Variants in GALNTL6 observed in about 807,000 individuals in gnomAD.
The protein encoded by GALNTL6 is polypeptide N-acetylgalactosaminyltransferase like 6, also known as polypeptide N-acetylgalactosaminyltransferase-like 6.
GALNTL6 carries 46 observed loss-of-function variants against 73.7 expected under a neutral mutation model. That is an observed-to-expected ratio of 0.62 (90% CI 0.49 to 0.80). The LOEUF (loss-of-function observed/expected upper bound fraction) is 0.80, where lower values mean the gene tolerates loss of function less well. Among genes scored for constraint, GALNTL6 ranks in the 30% least tolerant of loss-of-function variants. GALNTL6 has a pLI of 0.00. For missense variants in GALNTL6, 604 were observed against 755.0 expected (o/e 0.80, Z 2.34); for synonymous variants, 259 against 263.7 (o/e 0.98, Z 0.17).
At chr4:172,435,559 C>T (rs545104522) in intron 5 of GALNTL6, among the ~76,000 whole-genome samples, 1 of 152,172 alleles carries the variant, frequency 6.6e-6, no homozygotes, top group East Asian at 1.9e-4. Flanking sequence ...CATTATAGCT[C>T]CATCACATTC....
intron 5 of GALNTL6, among the ~76,000 whole-genome samples, chr4:172,770,504 A>C (rs1470929708): frequency 5.3e-5 from 8 of 152,160 alleles, no homozygotes; most frequent in Non-Finnish European, 1.5e-5. Flanking sequence ...TATTGTACTT[A>C]CTTGCGATTT....
intron 5 of GALNTL6, among the ~76,000 whole-genome samples, chr4:172,702,828 T>TC (rs1734103268): frequency 6.6e-6 from 1 of 151,920 alleles, no homozygotes; most frequent in Admixed American, 6.6e-5. Context: ...CTTTATAGTT[T>TC]TTTTTGTCAT....
At chr4:172,592,986 C>A (rs775308105) in intron 5 of GALNTL6, among the ~76,000 whole-genome samples, 2 of 151,954 alleles carry the variant, frequency 1.3e-5, no homozygotes, top group Non-Finnish European at 2.9e-5. Flanking sequence ...CACCTTGAGT[C>A]TAATTCAATT....
chr4:172,216,727 T>C (rs935174311), intron 2 of GALNTL6, among the ~76,000 whole-genome samples: 10 of 152,214 alleles, frequency 6.6e-5, no homozygotes, highest in African/African-American at 2.4e-4. Context: ...TGAAGAGATT[T>C]ATTTTGAGCC....
chr4:172,426,812 T>C (rs1731247616), intron 5 of GALNTL6, among the ~76,000 whole-genome samples: 1 of 152,028 alleles, frequency 6.6e-6, no homozygotes, highest in Non-Finnish European at 1.5e-5. Flanking sequence ...GAAAATAGCA[T>C]GGGCAACCAC....
chr4:172,658,113 G>A (rs1187279750), intron 5 of GALNTL6, among the ~76,000 whole-genome samples: 1 of 102,020 alleles, frequency 9.8e-6, no homozygotes, highest in East Asian at 3.2e-4. Context: ...TCCCGCCACT[G>A]CACTCCAGCC....
At chr4:171,975,512 C>T (rs1454986450) in intron 2 of GALNTL6, among the ~76,000 whole-genome samples, 1 of 146,668 alleles carries the variant, frequency 6.8e-6, no homozygotes, top group Non-Finnish European at 1.5e-5. Context: ...GAATCCTTGT[C>T]TTGAAAATGT....
chr4:172,384,811 T>G (rs1469907751), intron 5 of GALNTL6, among the ~76,000 whole-genome samples: 2 of 152,072 alleles, frequency 1.3e-5, no homozygotes, highest in African/African-American at 4.8e-5. Context: ...AGGGCCTTAT[T>G]ATGTTTCCCA....
chr4:172,628,691 A>AT (rs1335775088), intron 5 of GALNTL6, among the ~76,000 whole-genome samples: 1 of 152,148 alleles, frequency 6.6e-6, no homozygotes, highest in Non-Finnish European at 1.5e-5. Context: ...TGTGAATGCC[A>AT]TTATTCAAGG....
chr4:171,980,964 T>C (rs577462875), intron 2 of GALNTL6, among the ~76,000 whole-genome samples: 1 of 152,286 alleles, frequency 6.6e-6, no homozygotes, highest in South Asian at 2.1e-4. Flanking sequence ...GGAAAAATGA[T>C]TAGAATCAAG....
chr4:172,716,661 G>T (rs979622727), intron 5 of GALNTL6, among the ~76,000 whole-genome samples: 1 of 152,080 alleles, frequency 6.6e-6, no homozygotes, highest in Admixed American at 6.6e-5. Flanking sequence ...GTTCTGTACC[G>T]CATTAAGGAA....
chr4:171,887,715 C>T (rs952978869), intron 2 of GALNTL6, among the ~76,000 whole-genome samples: 8 of 152,116 alleles, frequency 5.3e-5, no homozygotes, highest in African/African-American at 1.7e-4. Flanking sequence ...AAGCTGTCTT[C>T]TGGTGATGTT....
At chr4:172,073,120 A>G (rs996204564) in intron 2 of GALNTL6, among the ~76,000 whole-genome samples, 2 of 152,034 alleles carry the variant, frequency 1.3e-5, no homozygotes, top group Non-Finnish European at 2.9e-5. Flanking sequence ...CTTTTTCCAG[A>G]TTTTCACAAA....
intron 3 of GALNTL6, among the ~76,000 whole-genome samples, chr4:172,272,686 A>T (rs563917136): frequency 5.6e-4 from 85 of 152,354 alleles, no homozygotes; most frequent in Non-Finnish European, 9.4e-4. Context: ...ATAAATGTGT[A>T]GAAAATTATA....
intron 2 of GALNTL6, among the ~76,000 whole-genome samples, chr4:171,897,065 C>G (rs1363264903): frequency 6.6e-6 from 1 of 151,578 alleles, no homozygotes; most frequent in African/African-American, 2.4e-5. Context: ...ATGTACAGAC[C>G]TCATTTTTAT....
At chr4:172,377,613 C>A (rs1446830067) in intron 5 of GALNTL6, among the ~76,000 whole-genome samples, 1 of 152,142 alleles carries the variant, frequency 6.6e-6, no homozygotes, top group Non-Finnish European at 1.5e-5. Flanking sequence ...GAGGCTCGGG[C>A]CACACGGGAG....
At chr4:172,444,204 A>G (rs564775929) in intron 5 of GALNTL6, among the ~76,000 whole-genome samples, 74 of 152,334 alleles carry the variant, frequency 4.9e-4, no homozygotes, top group South Asian at 3.5e-3. Context: ...TTGACTGTTT[A>G]GGTTATGACT....
intron 3 of GALNTL6, among the ~76,000 whole-genome samples, chr4:172,264,741 C>T (rs999189117): frequency 1.3e-5 from 2 of 149,704 alleles, no homozygotes; most frequent in Admixed American, 6.7e-5. Context: ...ATCATTTATA[C>T]AGAATGATGT....
intron 7 of GALNTL6, 123 bp downstream of exon 7, chr4:172,813,846 G>A (rs774379427): frequency 5.6e-5 from 37 of 664,382 alleles, no homozygotes; most frequent in Non-Finnish European, 8.2e-5. Context: ...GCAACAATAT[G>A]CAAAACATCA....
Sources: gnomAD v4.1 joint callset for allele counts (sites outside exome capture counted in the v4.1 genomes callset) on GRCh38, gnomAD v4.1.1 for gene constraint, MANE v1.5 for transcripts, NCBI Gene and HGNC (gene_info 2026-07-23, HGNC 2026-07-21) for gene names.